The following HTD2 variants were observed in gnomAD, a reference collection of about 807,000 sequenced individuals.
HTD2 encodes the protein hydroxyacyl-thioester dehydratase type 2.
Under a neutral mutation model 3.1 loss-of-function variants are expected in HTD2, and 1 was observed. The ratio of observed to expected loss-of-function variants is 0.32; its 90% confidence interval spans 0.11 to 1.52. HTD2 has a LOEUF of 1.52. Ranked by LOEUF, HTD2 falls within the 40% of genes most tolerant of loss-of-function variation. The pLI is 0.39. For missense variants in HTD2, 150 were observed against 79.6 expected, an observed-to-expected ratio of 1.88 and a Z score of -3.36; for synonymous variants, 50 against 28.9, an observed-to-expected ratio of 1.73 and a Z score of -2.34.
chr3:58,306,920 G>A (rs969444329), intron 1 of HTD2, among the ~76,000 whole-genome samples: 1 of 152,170 alleles, frequency 6.6e-6, no homozygotes, highest in Non-Finnish European at 1.5e-5. Context: ...CAAATGCTAC[G>A]AAGAAGAAAG....
rs180990369 is a variant in HTD2, at chr3:58,312,263, T to G, written c.-331+1672T>G. On this transcript the variant is annotated intron_variant, in intron 2 of 4. Transcript: ENST00000461393. ...CCCTAGAGATTATTTTATTTTATTT[T>G]TATTTATTTATTTTTTGAGACAGAG... is the stretch of plus-strand genomic sequence containing the variant. Among the ~76,000 whole-genome samples the G allele has an allele frequency of 5.0e-3, 764 of 152,014 alleles. 5 individuals are homozygous for G. Among genetic ancestry groups the G allele is most frequent in the Middle Eastern group, 0.01 (3 of 294 alleles).
rs374493192 is a variant in HTD2 at position 58,309,341 on chromosome 3, T to A, written c.-415-1166T>A. Among the ~76,000 whole-genome samples the A allele has an allele frequency of 2.8e-4, 42 of 152,370 alleles. No homozygotes were observed. In the South Asian group the frequency reaches 3.7e-3, roughly 14 times the overall value. On this transcript the variant is annotated intron_variant, in intron 1 of 4. Transcript: ENST00000461393. ...ATGTTACCTACGTTTACTAAACCTC[T>A]GTGTCATCTTCTCGAAAATGGGAAT...
intron 2 of HTD2, among the ~76,000 whole-genome samples, chr3:58,314,675 A>ATTTTGTTTTT (rs2097486321): frequency 1.1e-5 from 1 of 90,560 alleles, no homozygotes; most frequent in Admixed American, 1.7e-4. Flanking sequence ...GTTTGGCAGT[A>ATTTTGTTTTT]TTTTTTTTTT....
At position 58,319,694 on chromosome 3, in the gene HTD2, CTT is replaced by C. The variant is rs1266982075; in HGVS notation, c.*1576_*1577del. ...GATTATGGAGGCCAAATTCTTAAGA[CTT>C]TGGGGGCTGGGGTCAGGGAGGTTAT... On this transcript the variant is annotated 3_prime_UTR_variant, in exon 5 of 5. Coordinates refer to ENST00000461393, the MANE Select transcript of HTD2 (RefSeq NM_001348712.2). 1 of 151,622 alleles carries C rather than the reference CTT, an allele frequency of 6.6e-6. No individual in the cohort carries two copies. The highest frequency in any genetic ancestry group is 1.5e-5 in the Non-Finnish European group (1 of 67,938). The allele number at this position is 151,622 out of a possible 1,614,324, so 9.4% of individuals were successfully genotyped here. A position where few individuals can be genotyped will look rare whatever the true frequency, so the allele number is the denominator to read the frequency against.
intron 2 of HTD2, among the ~76,000 whole-genome samples, chr3:58,312,710 C>G (rs944500567): frequency 6.6e-6 from 1 of 152,078 alleles, no homozygotes; most frequent in African/African-American, 2.4e-5. Flanking sequence ...CCTATAATCC[C>G]AGCTCTTCGG....
At chr3:58,308,965 T>C (rs115003473) in intron 1 of HTD2, among the ~76,000 whole-genome samples, 2,462 of 152,334 alleles carry the variant, frequency 0.016, 37 homozygotes, top group Non-Finnish European at 0.022. Flanking sequence ...GAGATGAGCA[T>C]GTTCTACGTT....
rs1337553148 is a variant in HTD2, at chr3:58,317,665, A to G, written c.52A>G (p.Thr18Ala). 1.4e-6 allele frequency: 1 copy of G among 708,172 alleles called. No homozygotes were observed. The highest frequency in any genetic ancestry group is 2.6e-6 in the Non-Finnish European group (1 of 388,614). The allele number at this position is 708,172 out of a possible 1,614,324, so 43.9% of individuals were successfully genotyped here. A position where few individuals can be genotyped will look rare whatever the true frequency, so the allele number is the denominator to read the frequency against. The change falls in exon 5 of 5, where the codon ACA becomes GCA. Residue 18 changes from threonine to alanine, a missense_variant. Coordinates refer to ENST00000461393, the MANE Select transcript of HTD2 (RefSeq NM_001348712.2). Reference protein sequence around the residue: ...HHLWWGGLRRTVCLNLPVLTL... With the variant: ...HHLWWGGLRRAVCLNLPVLTL... The stretch of plus-strand genomic sequence containing the variant: ...CCTTTGGTGGGGTGGGCTTCGGAGG[A>G]CAGTCTGTCTGAACCTGCCAGTGCT...
In HTD2 at chr3:58,317,481, A is replaced by G; in HGVS notation, c.-133A>G. The G allele has an allele frequency of 1.3e-6, 2 of 1,591,662 alleles. No homozygotes were observed. Among genetic ancestry groups the G allele is most frequent in the Non-Finnish European group, 1.7e-6 (2 of 1,160,974 alleles). On this transcript the variant is annotated 5_prime_UTR_variant, in exon 5 of 5. Coordinates refer to ENST00000461393, the MANE Select transcript of HTD2 (RefSeq NM_001348712.2). Reference sequence around the variant, plus strand: ...TTGCATTATCTGGTAATAGTAGGGAACTAGTATTGGATTGAATGAATAGTC... The same window carrying G: ...TTGCATTATCTGGTAATAGTAGGGAGCTAGTATTGGATTGAATGAATAGTC...
At chr3:58,313,189 G>C (rs897947209) in intron 2 of HTD2, among the ~76,000 whole-genome samples, 2 of 151,834 alleles carry the variant, frequency 1.3e-5, no homozygotes, top group Non-Finnish European at 2.9e-5. Context: ...AACCCGGGAG[G>C]TGGAGCTTGC....
In HTD2 at chr3:58,310,479, T is replaced by A. The variant is rs766770411; in HGVS notation, c.-415-28T>A. On this transcript the variant is annotated intron_variant, in intron 1 of 4. Transcript: ENST00000461393. ...AATCTGAATAGAATGAAATTTAATA[T>A]GACTTTTTTTTTTTTCACTTTTTTT... is the stretch of plus-strand genomic sequence containing the variant. The A allele has an allele frequency of 2.6e-6, 4 of 1,563,090 alleles. No individual in the cohort carries two copies. The South Asian group carries it at 4.6e-5, about 18-fold the overall frequency.
rs1046149820 is a variant in HTD2 at position 58,317,734 on chromosome 3, C to T, written c.121C>T (p.Arg41Cys). Residue 41 changes from arginine (R) to cysteine (C), a missense_variant, in exon 5 of 5, where the codon CGC becomes TGC. Coordinates refer to ENST00000461393, the MANE Select transcript of HTD2 (RefSeq NM_001348712.2). ...GCATATGCACATCAAAGTTGGAGACCGCGCTGAACTTAGGAGGGCCTTCAC... is the reference window on the plus strand; with the variant it reads ...GCATATGCACATCAAAGTTGGAGACTGCGCTGAACTTAGGAGGGCCTTCAC... ...FQHMHIKVGD[R>C]AELRRAFTQT... is the part of the protein sequence containing the mutation. The T allele has an allele frequency of 2.7e-5, 19 of 703,382 alleles. No individual in the cohort carries two copies. The East Asian group carries it at 2.9e-4, about 11-fold the overall frequency. The allele number at this position is 703,382 out of a possible 1,614,324, so 43.6% of individuals were successfully genotyped here.
intron 2 of HTD2, among the ~76,000 whole-genome samples, chr3:58,314,879 G>T (rs927524302): frequency 1.3e-5 from 2 of 151,840 alleles, no homozygotes; most frequent in African/African-American, 2.4e-5. Flanking sequence ...TGGAGACGGG[G>T]TTTCACCATG....
chr3:58,318,262 T>G lies in HTD2; in HGVS notation c.*142T>G, dbSNP rs1181554009. 1 of 559,530 alleles carries G rather than the reference T, an allele frequency of 1.8e-6. No homozygotes were observed. The highest frequency in any genetic ancestry group is 3.1e-6 in the Non-Finnish European group (1 of 320,008). 34.7% of individuals were successfully genotyped at this position (559,530 alleles called of 1,614,324 possible). On this transcript the variant is annotated 3_prime_UTR_variant, in exon 5 of 5. Transcript: ENST00000461393. The stretch of plus-strand genomic sequence containing the variant: ...GGGAAGGGAGCAGGAAGAGGGTTGT[T>G]CAAATGCCCACTTTCCAGTTTGGCC...
rs1387700448 is a variant in HTD2 at position 58,317,464 on chromosome 3, T to C, written c.-150T>C. The C allele has an allele frequency of 6.2e-7, 1 of 1,601,966 alleles. No homozygotes were observed. Among genetic ancestry groups the C allele is most frequent in the Admixed American group, 1.7e-5 (1 of 59,514 alleles). ...GGTTTCTCCATTTCTTCTTGCATTA[T>C]CTGGTAATAGTAGGGAACTAGTATT... is the stretch of plus-strand genomic sequence containing the variant. On this transcript the variant is annotated 5_prime_UTR_variant, in exon 5 of 5. Transcript: ENST00000461393.
chr3:58,308,638 GTCA>G (rs2097478379), intron 1 of HTD2, among the ~76,000 whole-genome samples: 1 of 152,136 alleles, frequency 6.6e-6, no homozygotes. Context: ...TTCTCCAGAG[GTCA>G]TCATCTGGGA....
intron 1 of HTD2, among the ~76,000 whole-genome samples, chr3:58,307,016 G>T (rs73835146): frequency 0.062 from 9,449 of 152,292 alleles, 1,013 homozygotes; most frequent in African/African-American, 0.22. Context: ...AAGCCAGGAA[G>T]GGGGCAAGGG....
intron 2 of HTD2, among the ~76,000 whole-genome samples, chr3:58,314,675 A>AT (rs751757663): frequency 0.079 from 7,092 of 90,218 alleles, 558 homozygotes; most frequent in African/African-American, 0.11. Context: ...GTTTGGCAGT[A>AT]TTTTTTTTTT....
intron 1 of HTD2, among the ~76,000 whole-genome samples, chr3:58,308,260 T>C (rs1272530469): frequency 6.6e-6 from 1 of 152,024 alleles, no homozygotes; most frequent in East Asian, 1.9e-4. Context: ...GAATACCTAC[T>C]TTGTGTCATA....
chr3:58,313,478 T>C (rs1216668027), intron 2 of HTD2, among the ~76,000 whole-genome samples: 2 of 152,202 alleles, frequency 1.3e-5, no homozygotes, highest in Non-Finnish European at 2.9e-5. Context: ...AATCAAAATA[T>C]GCTAAGTACC....
Sources: allele counts gnomAD v4.1 joint callset (sites outside exome capture counted in the v4.1 genomes callset), GRCh38; gene constraint gnomAD v4.1.1; transcripts MANE v1.5; gene names NCBI Gene and HGNC (gene_info 2026-07-23, HGNC 2026-07-21).